RAPGEF2: variants seen among roughly 807,000 people sequenced by gnomAD.
The protein encoded by RAPGEF2 is PDZ domain containing guanine nucleotide exchange factor (GEF) 1.
A neutral mutation model predicts 186.7 loss-of-function variants in RAPGEF2; 54 were observed. That is an observed-to-expected ratio of 0.29 (90% CI 0.23 to 0.36). The LOEUF (loss-of-function observed/expected upper bound fraction) is 0.36, where lower values mean the gene tolerates loss of function less well. RAPGEF2 is among the 10% of genes least tolerant of loss of function. The pLI, the probability that RAPGEF2 is intolerant of heterozygous loss-of-function variation, is 1.00. For missense variants in RAPGEF2, 1,532 were observed against 2,045.0 expected (o/e 0.75, Z 4.84); for synonymous variants, 712 against 705.9 (o/e 1.01, Z -0.14).
At chr4:159,218,577 G>A (rs1751209206) in intron 4 of RAPGEF2, among the ~76,000 whole-genome samples, 1 of 152,072 alleles carries the variant, frequency 6.6e-6, no homozygotes, top group African/African-American at 2.4e-5. Context: ...CCAACATGGT[G>A]AAACCCCTTC....
intron 1 of RAPGEF2, among the ~76,000 whole-genome samples, chr4:159,151,815 C>T: frequency 6.6e-6 from 1 of 151,878 alleles, no homozygotes; most frequent in East Asian, 1.9e-4. Flanking sequence ...AACTTTAAAG[C>T]TTTGCATCTT....
At chr4:159,202,431 C>G (rs1027833282) in intron 3 of RAPGEF2, among the ~76,000 whole-genome samples, 23 of 152,148 alleles carry the variant, frequency 1.5e-4, no homozygotes, top group African/African-American at 4.8e-4. Flanking sequence ...TCTCCACTCC[C>G]GAAAACCCCC....
At chr4:159,335,835 C>CA (rs778302629) in intron 17 of RAPGEF2, among the ~76,000 whole-genome samples, 5,815 of 44,350 alleles carry the variant, frequency 0.13, 268 homozygotes, top group Non-Finnish European at 0.15. Flanking sequence ...GACTCCGTCT[C>CA]AAAAAAAAAA....
rs995357634 is a variant in RAPGEF2, at chr4:159,138,956, A to C, written c.69+34725A>C. Among the ~76,000 whole-genome samples, 4 of 152,322 alleles carry C rather than the reference A, an allele frequency of 2.6e-5. No homozygotes were observed. The South Asian group carries it at 8.3e-4, about 32-fold the overall frequency. On this transcript the variant is annotated intron_variant, in intron 1 of 29. Coordinates refer to ENST00000691494, the MANE Select transcript of RAPGEF2 (RefSeq NM_001394067.2). ...GAATTGAAATAGGTAAAGCAGAAGG[A>C]TGATGTAAATTTTCCATGAAATAGA...
chr4:159,340,331 T>C (rs1482491394), intron 19 of RAPGEF2, among the ~76,000 whole-genome samples: 2 of 152,198 alleles, frequency 1.3e-5, no homozygotes, highest in Admixed American at 6.5e-5. Context: ...TTTCCACTTA[T>C]CATTTCAATG....
In RAPGEF2 at chr4:159,235,967, C is replaced by T. The variant is rs191298519; in HGVS notation, c.282-2842C>T. Among the ~76,000 whole-genome samples the T allele has an allele frequency of 4.2e-4, 64 of 152,266 alleles. 1 individual carries two copies. The East Asian group carries it at 0.011, about 26-fold the overall frequency. ...AGGCTTTGTCACTGATCAGGCCTAG[C>T]GTGTGCACTCATGACCTACTCTTTG... On this transcript the variant is annotated intron_variant, in intron 4 of 29. Transcript: ENST00000691494.
chr4:159,195,904 T>TTTTTTTC (rs1332913499), intron 3 of RAPGEF2, among the ~76,000 whole-genome samples: 2 of 128,840 alleles, frequency 1.6e-5, no homozygotes, highest in African/African-American at 3.4e-5. Flanking sequence ...TTTTTTTTTT[T>TTTTTTTC]CCCCAAGTAG....
intron 1 of RAPGEF2, 77 bp from the exon 2 acceptor site, chr4:159,186,565 G>C: frequency 1.5e-6 from 1 of 670,850 alleles, no homozygotes; most frequent in Non-Finnish European, 2.4e-6. Flanking sequence ...AATTTGGTTT[G>C]TAGATACAGT....
chr4:159,211,162 A>G (rs772308353), intron 4 of RAPGEF2, among the ~76,000 whole-genome samples: 1 of 152,068 alleles, frequency 6.6e-6, no homozygotes, highest in African/African-American at 2.4e-5. Context: ...TAATGTTTAC[A>G]TTGTTTTGAC....
At chr4:159,301,434 G>GT (rs1408027589) in intron 7 of RAPGEF2, among the ~76,000 whole-genome samples, 1 of 152,034 alleles carries the variant, frequency 6.6e-6, no homozygotes, top group African/African-American at 2.4e-5. Context: ...AGATTTTAAG[G>GT]TTTTTTTGAA....
chr4:159,300,296 T>G (rs536097063), intron 7 of RAPGEF2, among the ~76,000 whole-genome samples: 6 of 152,020 alleles, frequency 3.9e-5, no homozygotes, highest in Admixed American at 3.9e-4. Context: ...CTTATATATT[T>G]AGCAGTGTTT....
At chr4:159,230,814 C>T (rs1449303540) in intron 4 of RAPGEF2, among the ~76,000 whole-genome samples, 1 of 152,130 alleles carries the variant, frequency 6.6e-6, no homozygotes, top group African/African-American at 2.4e-5. Flanking sequence ...TGGGTTATAG[C>T]TGTTTGTGTA....
intron 25 of RAPGEF2, among the ~76,000 whole-genome samples, chr4:159,347,478 T>C (rs1208168829): frequency 6.6e-6 from 1 of 152,242 alleles, no homozygotes; most frequent in Non-Finnish European, 1.5e-5. Context: ...TTACACTTCA[T>C]CTTTCCTACT....
Position 159,330,430 on chromosome 4 carries a change from C to A in RAPGEF2, c.1399C>A (p.Leu467Ile). The change falls in exon 13 of 30, where the codon CTT becomes ATT. Residue 467 changes from leucine to isoleucine, a missense_variant. Coordinates refer to ENST00000691494, the MANE Select transcript of RAPGEF2 (RefSeq NM_001394067.2). ...EDFLLTYRTF[L>I]SSPMEVGKKL... The stretch of plus-strand genomic sequence containing the variant: ...CTTTCTGTTGACCTATAGGACTTTT[C>A]TTTCTAGCCCAATGGAAGTGGGCAA... The A allele has an allele frequency of 1.2e-6, 2 of 1,607,856 alleles. No individual in the cohort carries two copies. Among genetic ancestry groups the A allele is most frequent in the Non-Finnish European group, 1.7e-6 (2 of 1,178,392 alleles).
intron 4 of RAPGEF2, among the ~76,000 whole-genome samples, chr4:159,228,703 C>G (rs1412831721): frequency 6.6e-6 from 1 of 152,088 alleles, no homozygotes; most frequent in Non-Finnish European, 1.5e-5. Context: ...GCTTTAGAAG[C>G]AGTTCGCAAT....
In RAPGEF2 at chr4:159,331,567, G is replaced by A. The variant is rs775180792; in HGVS notation, c.1575+29G>A. 8 of 1,609,720 alleles carry A rather than the reference G, an allele frequency of 5.0e-6. No homozygotes were observed. The South Asian group carries it at 8.8e-5, about 18-fold the overall frequency. ...ATATTTGTGGTTTTTTTTAAGATCA[G>A]CTTAAAGTTCATTTTATTCAGCCTG... On this transcript the variant is annotated intron_variant, in intron 14 of 29. Transcript: ENST00000691494.
intron 1 of RAPGEF2, among the ~76,000 whole-genome samples, chr4:159,123,708 C>T (rs1485107723): frequency 6.6e-6 from 1 of 151,536 alleles, no homozygotes; most frequent in African/African-American, 2.4e-5. Flanking sequence ...TTAGTAGAGA[C>T]AGGGTTTCAC....
chr4:159,262,158 C>T (rs1301775889), intron 7 of RAPGEF2, among the ~76,000 whole-genome samples: 1 of 152,154 alleles, frequency 6.6e-6, no homozygotes, highest in East Asian at 1.9e-4. Context: ...GTGTCAAGTA[C>T]TAGGGATAAA....
chr4:159,333,018 T>TTA (rs1158690636), intron 17 of RAPGEF2, among the ~76,000 whole-genome samples: 2 of 152,084 alleles, frequency 1.3e-5, no homozygotes, highest in African/African-American at 4.8e-5. Context: ...TCACTCTTAT[T>TTA]GCCCAGGCTG....
Sources: allele counts gnomAD v4.1 joint callset (sites outside exome capture counted in the v4.1 genomes callset), GRCh38; gene constraint gnomAD v4.1.1; transcripts MANE v1.5; gene names NCBI Gene and HGNC (gene_info 2026-07-23, HGNC 2026-07-21).